Variants in SENP7 observed in about 807,000 individuals in gnomAD.
SENP7 encodes SUMO specific peptidase 7.
SENP7 carries 64 observed loss-of-function variants against 141.2 expected under a neutral mutation model. That is an observed-to-expected ratio of 0.45 (90% CI 0.37 to 0.56). SENP7 has a LOEUF of 0.56. Ranked by LOEUF, SENP7 falls within the 20% of genes least tolerant of loss-of-function variation. SENP7 has a pLI of 0.00. For missense variants in SENP7, 1,025 were observed against 1,212.2 expected (o/e 0.85, Z 2.29); for synonymous variants, 382 against 426.4 (o/e 0.90, Z 1.28).
chr3:101,371,850 A>T (rs1216260771), intron 7 of SENP7, among the ~76,000 whole-genome samples, 158 bp downstream of exon 7: 3 of 152,208 alleles, frequency 2.0e-5, no homozygotes, highest in Non-Finnish European at 1.5e-5. Flanking sequence ...CGCTACATAA[A>T]GAGTAGGTTT....
At chr3:101,390,929 GA>G (rs1476644352) in intron 6 of SENP7, among the ~76,000 whole-genome samples, 4 of 152,006 alleles carry the variant, frequency 2.6e-5, no homozygotes, top group Non-Finnish European at 4.4e-5. Flanking sequence ...AATAAAACTA[GA>G]AATCAGTAAC....
chr3:101,467,396 C>A (rs1202500112), intron 3 of SENP7, among the ~76,000 whole-genome samples: 1 of 152,200 alleles, frequency 6.6e-6, no homozygotes, highest in Non-Finnish European at 1.5e-5. Context: ...GGTCAATGAC[C>A]CCAGTGTAGC....
intron 6 of SENP7, among the ~76,000 whole-genome samples, chr3:101,384,409 A>G (rs1357353920): frequency 6.6e-6 from 1 of 152,232 alleles, no homozygotes; most frequent in Admixed American, 6.5e-5. Flanking sequence ...AGCCCACCTA[A>G]GAGTTCCCCT....
intron 6 of SENP7, among the ~76,000 whole-genome samples, chr3:101,382,183 T>A (rs1197657624): frequency 6.6e-6 from 1 of 152,212 alleles, no homozygotes; most frequent in Non-Finnish European, 1.5e-5. Flanking sequence ...TTTCTTCTTT[T>A]TTTTATTTTT....
intron 4 of SENP7, among the ~76,000 whole-genome samples, chr3:101,418,592 T>C (rs2061692153): frequency 6.6e-6 from 1 of 152,138 alleles, no homozygotes; most frequent in Admixed American, 6.5e-5. Context: ...TGAAACAGTT[T>C]TAGGCACTTT....
intron 17 of SENP7, among the ~76,000 whole-genome samples, chr3:101,335,027 A>G (rs1172914044): frequency 6.6e-6 from 1 of 152,220 alleles, no homozygotes; most frequent in Non-Finnish European, 1.5e-5. Flanking sequence ...TAAGACAGAT[A>G]AAGTCCCTAA....
intron 4 of SENP7, among the ~76,000 whole-genome samples, chr3:101,442,445 G>A (rs1338867815): frequency 6.6e-6 from 1 of 152,110 alleles, no homozygotes; most frequent in African/African-American, 2.4e-5. Context: ...ATGCTCCTGT[G>A]AGAATCTAAT....
intron 15 of SENP7, chr3:101,340,466 A>C: frequency 2.6e-6 from 1 of 383,308 alleles, no homozygotes; most frequent in South Asian, 3.8e-5. Context: ...CTACTATCTG[A>C]ATTAGTCTCT....
At chr3:101,502,956 A>T (rs1203917484) in intron 1 of SENP7, among the ~76,000 whole-genome samples, 1 of 152,030 alleles carries the variant, frequency 6.6e-6, no homozygotes, top group African/African-American at 2.4e-5. Context: ...GTTCATCAAA[A>T]ATCATCAAGA....
At chr3:101,468,128 T>G (rs933099300) in intron 3 of SENP7, among the ~76,000 whole-genome samples, 3 of 151,956 alleles carry the variant, frequency 2.0e-5, no homozygotes, top group African/African-American at 7.3e-5. Flanking sequence ...ATCAGATTAA[T>G]GAAATAAAGC....
intron 3 of SENP7, among the ~76,000 whole-genome samples, chr3:101,482,977 G>C (rs1448555500): frequency 6.6e-6 from 1 of 152,150 alleles, no homozygotes; most frequent in Non-Finnish European, 1.5e-5. Flanking sequence ...GTAAAGAAAA[G>C]GGAATGCTTA....
chr3:101,493,931 T>C lies in SENP7; in HGVS notation c.128A>G (p.His43Arg), dbSNP rs776185122. 10 of 1,610,788 alleles carry C rather than the reference T, an allele frequency of 6.2e-6. No homozygotes were observed. The highest frequency in any genetic ancestry group is 8.5e-6 in the Non-Finnish European group (10 of 1,177,566). ...KMLNAKPEDV[H>R]VQSPLSKFRS... The stretch of plus-strand genomic sequence containing the variant: ...GAATTTGGACAGTGGTGATTGAACA[T>C]GGACATCCTCTGGTTTTGCATTTAA... Residue 43 changes from histidine to arginine, a missense_variant, in exon 3 of 24, where the codon CAT (histidine) becomes CGT (arginine). His to Arg is a conservative substitution (Grantham distance 29). Transcript: ENST00000394095.
intron 3 of SENP7, among the ~76,000 whole-genome samples, chr3:101,478,553 A>G (rs1175527301): frequency 6.6e-6 from 1 of 152,152 alleles, no homozygotes; most frequent in Non-Finnish European, 1.5e-5. Context: ...GTTGAATAAT[A>G]AAAAGGCTCC....
intron 11 of SENP7, among the ~76,000 whole-genome samples, chr3:101,355,312 TA>T (rs1220128779): frequency 1.3e-5 from 2 of 152,230 alleles, no homozygotes. Flanking sequence ...TGATACTGCC[TA>T]GGTTGTCTTC....
At chr3:101,508,047 C>CA (rs61638290) in intron 1 of SENP7, among the ~76,000 whole-genome samples, 38,318 of 89,870 alleles carry the variant, frequency 0.43, 7,608 homozygotes, top group East Asian at 0.48. Flanking sequence ...GACTCCATCT[C>CA]AAAAAAAAAA....
rs773202266 is a variant in SENP7 at position 101,330,349 on chromosome 3, A to G, written c.2736T>C (p.Ser912=). 3.2e-5 allele frequency: 52 copies of G among 1,607,576 alleles called. No individual in the cohort carries two copies. In the Admixed American group the frequency reaches 8.0e-4, roughly 25 times the overall value. ...DLRTTSTLSL[S]AEDSQSTESN... The stretch of plus-strand genomic sequence containing the variant: ...ACACACTTACTTGGGAATCCTCTGC[A>G]CTCAAAGACAGTGTCGAAGTAGTAC... The change falls in exon 20 of 24, where the codon AGT becomes AGC. Residue 912 remains serine, a synonymous_variant. Coordinates refer to ENST00000394095, the MANE Select transcript of SENP7 (RefSeq NM_020654.5).
At chr3:101,433,585 T>C (rs1253000779) in intron 4 of SENP7, among the ~76,000 whole-genome samples, 1 of 152,020 alleles carries the variant, frequency 6.6e-6, no homozygotes. Context: ...ATGTACTCCA[T>C]TCCAATGAAA....
At chr3:101,350,172 A>G (rs1269907512) in intron 12 of SENP7, among the ~76,000 whole-genome samples, 1 of 152,200 alleles carries the variant, frequency 6.6e-6, no homozygotes, top group Non-Finnish European at 1.5e-5. Context: ...CAGGAATGAC[A>G]GAATAGAAAA....
intron 3 of SENP7, among the ~76,000 whole-genome samples, chr3:101,493,508 ATATAGT>A (rs2065041136): frequency 6.6e-6 from 1 of 152,264 alleles, no homozygotes; most frequent in Non-Finnish European, 1.5e-5. Flanking sequence ...AGCTTTTGAA[ATATAGT>A]TATATTACTC....
Sources: gnomAD v4.1 joint callset for allele counts (sites outside exome capture counted in the v4.1 genomes callset) on GRCh38, gnomAD v4.1.1 for gene constraint, MANE v1.5 for transcripts, NCBI Gene and HGNC (gene_info 2026-07-23, HGNC 2026-07-21) for gene names.